GALNT14: variants seen among roughly 807,000 people sequenced by gnomAD.
The protein encoded by GALNT14 is UDP-GalNAc:polypeptide N-acetylgalactosaminyltransferase 14.
GALNT14 carries 60 observed loss-of-function variants against 77.5 expected under a neutral mutation model. That is an observed-to-expected ratio of 0.77 (90% CI 0.63 to 0.96). The LOEUF is 0.96. Ranked by LOEUF, GALNT14 falls within the 40% of genes least tolerant of loss-of-function variation. The probability of loss-of-function intolerance (pLI) is 0.00; values close to 1 mark genes in which losing one functional copy is unlikely to be tolerated. For missense variants in GALNT14, 710 were observed against 731.0 expected (o/e 0.97, Z 0.33); for synonymous variants, 280 against 281.7 (o/e 0.99, Z 0.06).
chr2:31,017,776 T>C (rs1171820788), intron 1 of GALNT14, among the ~76,000 whole-genome samples: 1 of 152,112 alleles, frequency 6.6e-6, no homozygotes, highest in African/African-American at 2.4e-5. Flanking sequence ...AAGAGGGCGC[T>C]TGATGAAATT....
In GALNT14 at chr2:30,944,715, T is replaced by G. The variant is rs1233071650; in HGVS notation, c.827+143A>C. On this transcript the variant is annotated intron_variant, in intron 8 of 14. Transcript: ENST00000349752. Reference sequence around the variant, plus strand: ...CCAAGAGGATAGAAACCTCCTAAAATAAAGGCAAAAGTGGAGATGGCCTGG... The same window carrying G: ...CCAAGAGGATAGAAACCTCCTAAAAGAAAGGCAAAAGTGGAGATGGCCTGG... 5.0e-6 allele frequency: 3 copies of G among 601,886 alleles called. No homozygotes were observed. The East Asian group carries it at 8.4e-5, about 17-fold the overall frequency. 37.3% of individuals were successfully genotyped at this position (601,886 alleles called of 1,614,324 possible).
intron 1 of GALNT14, among the ~76,000 whole-genome samples, chr2:31,098,748 T>C (rs1677118457): frequency 1.3e-5 from 2 of 152,240 alleles, no homozygotes; most frequent in African/African-American, 2.4e-5. Context: ...ACCAATAACA[T>C]AAACAGCCCA....
Position 30,983,331 on chromosome 2 carries a change from G to GT in GALNT14, c.299+9506dup, listed in dbSNP as rs1385851922. ...GTCTGTTTTTTTTGTTGTTGTTGTT[G>GT]TTTTTACTGATCTATACTTAATAGT... is the stretch of plus-strand genomic sequence containing the variant. On this transcript the variant is annotated intron_variant, in intron 2 of 14. Transcript: ENST00000349752. Among the ~76,000 whole-genome samples, 4 of 152,178 alleles carry GT rather than the reference G, an allele frequency of 2.6e-5. No homozygotes were observed. The East Asian group carries it at 7.7e-4, about 29-fold the overall frequency.
At chr2:31,011,933 G>A (rs1364705896) in intron 1 of GALNT14, among the ~76,000 whole-genome samples, 1 of 152,206 alleles carries the variant, frequency 6.6e-6, no homozygotes, top group African/African-American at 2.4e-5. Flanking sequence ...GAGATCCACA[G>A]CACTGGGGAA....
At chr2:30,900,914 GAC>G in the GALNT14 span, among the ~76,000 whole-genome samples, 1 of 152,172 alleles carries the variant, frequency 6.6e-6, no homozygotes, top group African/African-American at 2.4e-5. Flanking sequence ...TAGAGAGCTA[GAC>G]ACACCCCATC....
intron 1 of GALNT14, among the ~76,000 whole-genome samples, chr2:31,040,235 G>GT (rs1483109187): frequency 2.0e-5 from 3 of 152,150 alleles, no homozygotes; most frequent in African/African-American, 4.8e-5. Context: ...TTGTTCTTGG[G>GT]TTTTTTGTTT....
intron 1 of GALNT14, among the ~76,000 whole-genome samples, chr2:31,018,300 A>G (rs532596522): frequency 1.3e-5 from 2 of 152,380 alleles, no homozygotes; most frequent in East Asian, 3.9e-4. Context: ...TTGTTTTCAC[A>G]CTGCTATAAA....
intron 1 of GALNT14, among the ~76,000 whole-genome samples, chr2:31,026,211 G>C (rs1393984758): frequency 6.6e-6 from 1 of 152,174 alleles, no homozygotes. Context: ...TTCTACAGGA[G>C]ATCTGCAAAG....
At chr2:31,039,113 A>C (rs964165677) in intron 1 of GALNT14, among the ~76,000 whole-genome samples, 3 of 152,076 alleles carry the variant, frequency 2.0e-5, no homozygotes, top group African/African-American at 7.2e-5. Context: ...TCTAGAGTTA[A>C]AAAAAATGAT....
intron 1 of GALNT14, among the ~76,000 whole-genome samples, chr2:31,100,463 T>C (rs935755560): frequency 6.6e-6 from 1 of 152,182 alleles, no homozygotes; most frequent in Middle Eastern, 3.4e-3. Context: ...AGTTTTTCAG[T>C]TAATTATCTT....
intron 2 of GALNT14, among the ~76,000 whole-genome samples, chr2:30,974,029 C>G (rs766721447): frequency 2.6e-5 from 4 of 152,130 alleles, no homozygotes; most frequent in Non-Finnish European, 5.9e-5. Flanking sequence ...CAGTGCCTAC[C>G]TCCTTTAACC....
intron 2 of GALNT14, 148 bp downstream of exon 2, chr2:30,992,690 C>G: frequency 1.0e-6 from 1 of 953,426 alleles, no homozygotes; most frequent in Non-Finnish European, 1.6e-6. Context: ...GGTCAATCAC[C>G]AAATCCGAAT....
At chr2:31,122,371 C>A (rs1036785157) in intron 1 of GALNT14, among the ~76,000 whole-genome samples, 1 of 152,226 alleles carries the variant, frequency 6.6e-6, no homozygotes, top group Non-Finnish European at 1.5e-5. Flanking sequence ...AATCCCCATC[C>A]CCACATGGGG....
intron 14 of GALNT14, among the ~76,000 whole-genome samples, chr2:30,911,581 G>A (rs907425289): frequency 2.0e-4 from 30 of 152,168 alleles, no homozygotes; most frequent in African/African-American, 7.2e-4. Flanking sequence ...CCCCGGAGAG[G>A]GCACTGAGCA....
chr2:30,966,167 C>G (rs1667990442), intron 3 of GALNT14, 37 bp downstream of exon 3: 1 of 1,559,440 alleles, frequency 6.4e-7, no homozygotes, highest in Admixed American at 1.7e-5. Context: ...CAAGTGCTGG[C>G]CCAGAGCTGG....
Position 30,912,185 on chromosome 2 carries a change from G to C in GALNT14, c.1500+38C>G, listed in dbSNP as rs370985848. ...AGCCCTCAACAGGCAGTCACATTAC[G>C]GAGTTGGCCACATCCCAGGGACCTG... On this transcript the variant is annotated intron_variant, in intron 14 of 14. Transcript: ENST00000349752. 22 of 1,610,272 alleles carry C rather than the reference G, an allele frequency of 1.4e-5. No individual in the cohort carries two copies. The Admixed American group carries it at 1.7e-4, about 12-fold the overall frequency.
intron 3 of GALNT14, 73 bp downstream of exon 3, chr2:30,966,131 C>T: frequency 8.7e-7 from 1 of 1,150,872 alleles, no homozygotes; most frequent in Non-Finnish European, 1.3e-6. Context: ...CAGCGCTGGG[C>T]ACCTGGGGAG....
intron 1 of GALNT14, among the ~76,000 whole-genome samples, chr2:31,117,365 T>C (rs1408212987): frequency 6.6e-6 from 1 of 152,194 alleles, no homozygotes; most frequent in Non-Finnish European, 1.5e-5. Context: ...AAAGGCTGGC[T>C]GCATGCAAAA....
chr2:31,091,808 G>A (rs996276243), intron 1 of GALNT14, among the ~76,000 whole-genome samples: 15 of 152,136 alleles, frequency 9.9e-5, no homozygotes, highest in African/African-American at 3.4e-4. Flanking sequence ...TGATTGGATT[G>A]AAGGATCCAA....
Sources: gnomAD v4.1 joint callset for allele counts (sites outside exome capture counted in the v4.1 genomes callset) on GRCh38, gnomAD v4.1.1 for gene constraint, MANE v1.5 for transcripts, NCBI Gene and HGNC (gene_info 2026-07-23, HGNC 2026-07-21) for gene names.